SPPL2A: variants seen among roughly 807,000 people sequenced by gnomAD.
The protein encoded by SPPL2A is signal peptide peptidase like 2A, also known as signal peptide peptidase-like 2A.
Under a neutral mutation model 63.8 loss-of-function variants are expected in SPPL2A, and 51 were observed. The ratio of observed to expected loss-of-function variants is 0.80; its 90% CI spans 0.64 to 1.01. The LOEUF (loss-of-function observed/expected upper bound fraction) is 1.01, where lower values mean the gene tolerates loss of function less well. SPPL2A is among the 50% of genes least tolerant of loss of function. SPPL2A has a pLI of 0.00. For synonymous variants in SPPL2A, 188 were observed against 205.8 expected (o/e 0.91, Z 0.74); for missense variants, 553 against 622.7 (o/e 0.89, Z 1.19).
At chr15:50,709,219 G>A (rs556603672) in intron 14 of SPPL2A, among the ~76,000 whole-genome samples, 2 of 152,238 alleles carry the variant, frequency 1.3e-5, no homozygotes, top group East Asian at 3.9e-4. Context: ...TAATGCCTTT[G>A]TGAAGACTGT....
intron 12 of SPPL2A, among the ~76,000 whole-genome samples, chr15:50,724,378 C>T (rs1371986528): frequency 1.3e-5 from 2 of 152,074 alleles, no homozygotes; most frequent in Non-Finnish European, 2.9e-5. Flanking sequence ...AGATCGAGAC[C>T]ATCCTGGCTA....
chr15:50,745,548 C>CTT (rs34633198), intron 5 of SPPL2A, among the ~76,000 whole-genome samples: 35 of 118,078 alleles, frequency 3.0e-4, no homozygotes, highest in Middle Eastern at 4.2e-3. Context: ...TGCAGCTGGC[C>CTT]TTTTTTTTTT....
chr15:50,707,925 A>G, intron 14 of SPPL2A, 51 bp from the exon 15 acceptor site: 2 of 890,258 alleles, frequency 2.2e-6, no homozygotes, highest in Non-Finnish European at 3.8e-6. Flanking sequence ...ACTTGCCCCC[A>G]ATATTCACTA....
At chr15:50,726,000 C>A in intron 11 of SPPL2A, 1 of 965,202 alleles carries the variant, frequency 1.0e-6, no homozygotes, top group South Asian at 1.6e-5. Context: ...ATTTTTTTTT[C>A]CCCCAAAGAA....
At chr15:50,719,678 A>G (rs1383921260) in intron 14 of SPPL2A, among the ~76,000 whole-genome samples, 2 of 151,964 alleles carry the variant, frequency 1.3e-5, no homozygotes, top group African/African-American at 4.8e-5. Flanking sequence ...GGTTTTGAAA[A>G]TACATGTTGA....
At chr15:50,764,925 A>AC (rs2063044635) in intron 1 of SPPL2A, among the ~76,000 whole-genome samples, 1 of 149,528 alleles carries the variant, frequency 6.7e-6, no homozygotes, top group African/African-American at 2.4e-5. Flanking sequence ...AAAAAAAAAA[A>AC]CCCTCATAAC....
chr15:50,741,823 A>T (rs965358658), intron 5 of SPPL2A, among the ~76,000 whole-genome samples: 1 of 151,962 alleles, frequency 6.6e-6, no homozygotes, highest in Non-Finnish European at 1.5e-5. Context: ...AAAATTAGCC[A>T]GGCATGGTGG....
At chr15:50,748,229 T>C (rs776647996) in intron 3 of SPPL2A, 27 bp from the exon 4 acceptor site, 15 of 802,010 alleles carry the variant, frequency 1.9e-5, no homozygotes, top group Middle Eastern at 3.6e-4. Context: ...TATGAAAACT[T>C]ATTTACTACT....
chr15:50,728,611 G>T (rs970176839), intron 10 of SPPL2A, among the ~76,000 whole-genome samples: 1 of 150,598 alleles, frequency 6.6e-6, no homozygotes, highest in African/African-American at 2.4e-5. Context: ...CTCCCGAAGT[G>T]CTGGGATTAC....
chr15:50,720,169 T>C (rs2062633435), intron 13 of SPPL2A, 69 bp from the exon 14 acceptor site: 2 of 1,227,440 alleles, frequency 1.6e-6, no homozygotes, highest in Non-Finnish European at 2.3e-6. Context: ...TCCTCTGTCA[T>C]TTATGTACTG....
Position 50,724,300 on chromosome 15 carries a change from G to A in SPPL2A, c.1249+921C>T, listed in dbSNP as rs560800678. 7.9e-5 allele frequency among the ~76,000 whole-genome samples: 12 copies of A among 152,276 alleles called. No individual in the cohort carries two copies. In the South Asian group the frequency reaches 1.0e-3, roughly 13 times the overall value. ...GACTAAGAAAAATGAAGAAGGAGCC[G>A]GCGCGGTGGCTCACGCCTGTAATCC... On this transcript the variant is annotated intron_variant, in intron 12 of 14. Coordinates refer to ENST00000261854, the MANE Select transcript of SPPL2A (RefSeq NM_032802.4).
At position 50,765,601 on chromosome 15, in the gene SPPL2A, T is replaced by A. The variant is rs2141069850; in HGVS notation, c.-68A>T. ...CTCACTCGGCGGGGTAGGCTCGGAG[T>A]CCCGCCGCTGCGCTGCCTCCGTGGC... On this transcript the variant is annotated 5_prime_UTR_variant, in exon 1 of 15. Transcript: ENST00000261854. 9.0e-7 allele frequency: 1 copy of A among 1,111,558 alleles called. No individual in the cohort carries two copies. Among genetic ancestry groups the A allele is most frequent in the South Asian group, 2.2e-5 (1 of 45,242 alleles). 68.9% of individuals were successfully genotyped at this position (1,111,558 alleles called of 1,614,324 possible).
chr15:50,736,776 GAAGGA>G lies in SPPL2A; in HGVS notation c.734-41_734-37del, dbSNP rs762296962. On this transcript the variant is annotated intron_variant, in intron 6 of 14. Coordinates refer to ENST00000261854, the MANE Select transcript of SPPL2A (RefSeq NM_032802.4). The stretch of plus-strand genomic sequence containing the variant: ...CAAAACACTAAATTACATGAGAACA[GAAGGA>G]AAGGTGATAAGAAAATATTTATACA... 4.0e-5 allele frequency: 41 copies of G among 1,014,524 alleles called. 1 individual carries two copies. The highest frequency in any genetic ancestry group is 3.7e-4 in the South Asian group (28 of 75,870). The allele number at this position is 1,014,524 out of a possible 1,614,324, so 62.8% of individuals were successfully genotyped here.
intron 5 of SPPL2A, 37 bp from the exon 6 acceptor site, chr15:50,739,865 CAAGT>C: frequency 6.6e-7 from 1 of 1,506,720 alleles, no homozygotes; most frequent in Non-Finnish European, 8.8e-7. Flanking sequence ...AAATCTTAGC[CAAGT>C]ACAGTTATTT....
chr15:50,749,517 A>G lies in SPPL2A; in HGVS notation c.177+119T>C. 4.4e-6 allele frequency: 3 copies of G among 687,720 alleles called. No individual in the cohort carries two copies. The South Asian group carries it at 4.9e-5, about 11-fold the overall frequency. The allele number at this position is 687,720 out of a possible 1,614,324, so 42.6% of individuals were successfully genotyped here. A position where few individuals can be genotyped will look rare whatever the true frequency, so the allele number is the denominator to read the frequency against. ...TAGCCAGGATGGTCTTGATCTCCTG[A>G]CCTCATGATCCGCCCGCCTTGGCCT... On this transcript the variant is annotated intron_variant, in intron 2 of 14. Transcript: ENST00000261854.
rs28698099 is a variant in SPPL2A, at chr15:50,749,226, T to G, written c.178-356A>C. ...TTGACCACTTGGTCTCAAATGATCC[T>G]CCCATCTTGACATCCCAAAGTGCTA... On this transcript the variant is annotated intron_variant, in intron 2 of 14. Transcript: ENST00000261854. 3.6e-3 allele frequency among the ~76,000 whole-genome samples: 555 copies of G among 152,174 alleles called. 5 individuals are homozygous for G. The highest frequency in any genetic ancestry group is 0.013 in the African/African-American group (539 of 41,536).
intron 6 of SPPL2A, among the ~76,000 whole-genome samples, chr15:50,738,549 C>CAA (rs373037772): frequency 4.1e-5 from 4 of 97,650 alleles, no homozygotes; most frequent in Non-Finnish European, 6.5e-5. Flanking sequence ...ACTCTGTTTC[C>CAA]AAAAAAAAAA....
chr15:50,714,850 G>A (rs1301115188), intron 14 of SPPL2A, among the ~76,000 whole-genome samples: 2 of 151,892 alleles, frequency 1.3e-5, no homozygotes, highest in African/African-American at 4.8e-5. Flanking sequence ...GGCTGAGGCA[G>A]GAGAATCGCT....
chr15:50,730,742 A>G (rs2062723447), intron 10 of SPPL2A, among the ~76,000 whole-genome samples: 1 of 152,200 alleles, frequency 6.6e-6, no homozygotes, highest in Admixed American at 6.5e-5. Flanking sequence ...AAGGGAAGAA[A>G]AGTACAGATA....
Sources: gnomAD v4.1 joint callset for allele counts (sites outside exome capture counted in the v4.1 genomes callset) on GRCh38, gnomAD v4.1.1 for gene constraint, MANE v1.5 for transcripts, NCBI Gene and HGNC (gene_info 2026-07-23, HGNC 2026-07-21) for gene names.